Variants in SRC observed in about 807,000 individuals in gnomAD.
SRC encodes the protein proto-oncogene tyrosine-protein kinase Src.
In SRC, 13 loss-of-function variants were observed where a neutral mutation model predicts 62.9. The ratio of observed to expected loss-of-function variants is 0.21; its 90% CI spans 0.13 to 0.33. SRC has a LOEUF of 0.33. SRC is among the 10% of genes least tolerant of loss of function. The pLI is 1.00. For synonymous variants in SRC, 302 were observed against 317.5 expected (o/e 0.95, Z 0.52); for missense variants, 457 against 737.3 (o/e 0.62, Z 4.40).
intron 2 of SRC, among the ~76,000 whole-genome samples, chr20:37,373,322 A>G: frequency 6.6e-6 from 1 of 151,258 alleles, no homozygotes; most frequent in Non-Finnish European, 1.5e-5. Context: ...ACATATGTAC[A>G]CACATACACA....
chr20:37,380,797 AC>A, intron 2 of SRC, among the ~76,000 whole-genome samples: 1 of 152,076 alleles, frequency 6.6e-6, no homozygotes. Context: ...AAGGAAACGC[AC>A]CACCACACCC....
intron 5 of SRC, among the ~76,000 whole-genome samples, chr20:37,390,986 C>G (rs2070538590): frequency 6.6e-6 from 1 of 152,172 alleles, no homozygotes; most frequent in African/African-American, 2.4e-5. Context: ...ACCATGAAAC[C>G]CCAGGCTCAC....
intron 1 of SRC, among the ~76,000 whole-genome samples, chr20:37,358,144 C>T (rs2052398654): frequency 6.6e-6 from 1 of 152,200 alleles, no homozygotes; most frequent in African/African-American, 2.4e-5. Flanking sequence ...CAGTAACGGT[C>T]CCTACCCCAC....
rs1002800222 is a variant in SRC, at chr20:37,403,148, C to A, written c.1403-23C>A. ...CACTTTCCTCACCGGAGCCGGGCTCCCCATGCCTCGCTCTGCCCACAGGGA... is the reference window on the plus strand; with the variant it reads ...CACTTTCCTCACCGGAGCCGGGCTCACCATGCCTCGCTCTGCCCACAGGGA... On this transcript the variant is annotated intron_variant, in intron 13 of 13. Transcript: ENST00000373578. The surrounding 1 kb of genome is among the most constrained non-coding windows in gnomAD (Gnocchi z 7.1). 2 of 1,518,428 alleles carry A rather than the reference C, an allele frequency of 1.3e-6. No individual in the cohort carries two copies. The highest frequency in any genetic ancestry group is 1.8e-6 in the Non-Finnish European group (2 of 1,134,198). 94.1% of individuals were successfully genotyped at this position (1,518,428 alleles called of 1,614,324 possible).
upstream of SRC, chr20:37,346,134 G>T: frequency 6.6e-6 from 1 of 152,536 alleles, no homozygotes; most frequent in South Asian, 1.8e-4. Context: ...TCCCGGCCCG[G>T]AATCCATTCC....
rs2070107795 is a variant in SRC, at chr20:37,368,537, T to G, written c.-173+3260T>G. Among the ~76,000 whole-genome samples the G allele has an allele frequency of 1.4e-4, 17 of 125,296 alleles. 1 individual carries two copies. The highest frequency in any genetic ancestry group is 2.0e-4 in the African/African-American group (6 of 29,582). The allele number at this position is 125,296 out of a possible 152,430, so 82.2% of individuals were successfully genotyped here. On this transcript the variant is annotated intron_variant, in intron 2 of 13. Transcript: ENST00000373578. ...TATTTTCTTTTTTTTTTTTTTTTTT[T>G]TTTTTTGTTTTTTTTTTTTTTGTTT...
intron 10 of SRC, among the ~76,000 whole-genome samples, chr20:37,401,363 C>T (rs762368110): frequency 3.4e-4 from 52 of 152,220 alleles, no homozygotes; most frequent in Middle Eastern, 6.8e-3. Flanking sequence ...AGCGGGACTC[C>T]GCTGTCTGCA....
chr20:37,387,245 T>G (rs1841472298), intron 5 of SRC, among the ~76,000 whole-genome samples: 1 of 152,178 alleles, frequency 6.6e-6, no homozygotes, highest in Admixed American at 6.5e-5. Context: ...CTTTCTCCAG[T>G]GTCTGCCTGG....
At chr20:37,377,686 C>G (rs75783620) in intron 2 of SRC, among the ~76,000 whole-genome samples, 3,343 of 152,242 alleles carry the variant, frequency 0.022, 113 homozygotes, top group African/African-American at 0.076. Context: ...CATCCACAGG[C>G]TTATGATGGG....
At chr20:37,401,291 C>G (rs561556736) in intron 10 of SRC, among the ~76,000 whole-genome samples, 1 of 152,270 alleles carries the variant, frequency 6.6e-6, no homozygotes, top group South Asian at 2.1e-4. Context: ...GCAGGAGCCA[C>G]TGCTCCCGGC....
In SRC at chr20:37,402,431, G is replaced by A. The variant is rs377477692; in HGVS notation, c.1117-4G>A. 6 of 1,611,162 alleles carry A rather than the reference G, an allele frequency of 3.7e-6. No homozygotes were observed. The African/African-American group carries it at 8.0e-5, about 22-fold the overall frequency. On this transcript the variant is annotated splice_region_variant and splice_polypyrimidine_tract_variant and intron_variant, in intron 11 of 13. Transcript: ENST00000373578. The surrounding 1 kb of genome is among the most constrained non-coding windows in gnomAD (Gnocchi z 6.2). ...GAGCCAGGCTCCCACGGTTCCGCCT[G>A]CAGATCGCCTCAGGCATGGCGTACG...
chr20:37,355,800 C>T (rs537810652), intron 1 of SRC, among the ~76,000 whole-genome samples: 1 of 152,186 alleles, frequency 6.6e-6, no homozygotes, highest in Admixed American at 6.5e-5. Flanking sequence ...GGACCGTGTG[C>T]AAAAATGTCT....
chr20:37,373,223 CGT>C (rs2070207427), intron 2 of SRC, among the ~76,000 whole-genome samples: 1 of 151,170 alleles, frequency 6.6e-6, no homozygotes. Context: ...CATGTACATA[CGT>C]ACACACATGC....
In SRC at chr20:37,397,704, G is replaced by A. The variant is rs34881773; in HGVS notation, c.709G>A (p.Ala237Thr). 3.6e-5 allele frequency: 57 copies of A among 1,580,056 alleles called. No homozygotes were observed. Among genetic ancestry groups the A allele is most frequent in the Admixed American group, 5.2e-5 (3 of 57,500 alleles). Residue 237 changes from alanine to threonine, a missense_variant, in exon 9 of 14, where the codon GCC becomes ACC. By Grantham distance (58) the Ala-to-Thr change is moderately conservative. Around this residue, in one of 4 missense-constraint regions of SRC, gnomAD observed 141 missense variants for 198.4 expected, o/e 0.71. Coordinates refer to ENST00000373578, the MANE Select transcript of SRC (RefSeq NM_198291.3). This position sits in a 1 kb window ranked among gnomAD's most constrained non-coding sequence, Gnocchi z 4.1. Reference sequence around the variant, plus strand: ...TCCTCCTGCCTCCTCCTCAGAACACGCCGATGGCCTGTGCCACCGCCTCAC... The same window carrying A: ...TCCTCCTGCCTCCTCCTCAGAACACACCGATGGCCTGTGCCACCGCCTCAC... ...QQLVAYYSKH[A>T]DGLCHRLTTV...
At chr20:37,354,646 G>A (rs1396243477) in intron 1 of SRC, among the ~76,000 whole-genome samples, 1 of 152,212 alleles carries the variant, frequency 6.6e-6, no homozygotes, top group Non-Finnish European at 1.5e-5. Flanking sequence ...GGAGGCCAGG[G>A]CTGTGCCTTG....
intron 1 of SRC, 109 bp from the exon 2 acceptor site, chr20:37,365,095 T>C (rs2070040622): frequency 6.6e-6 from 1 of 152,160 alleles, no homozygotes; most frequent in Non-Finnish European, 1.5e-5. Context: ...GACTGTGCAC[T>C]TGCTAGGAGC....
At chr20:37,394,772 G>A (rs1049330263) in intron 7 of SRC, among the ~76,000 whole-genome samples, 1 of 152,168 alleles carries the variant, frequency 6.6e-6, no homozygotes, top group Non-Finnish European at 1.5e-5. Context: ...GCAGGCGCCC[G>A]TCACCATGGC....
chr20:37,371,010 C>T (rs1348554965), intron 2 of SRC, among the ~76,000 whole-genome samples: 15 of 134,776 alleles, frequency 1.1e-4, no homozygotes, highest in African/African-American at 2.9e-4. Context: ...TTTTTTGAGA[C>T]GGAGTTTCAC....
chr20:37,353,492 C>T (rs928104414), intron 1 of SRC, among the ~76,000 whole-genome samples: 3 of 152,128 alleles, frequency 2.0e-5, no homozygotes, highest in Non-Finnish European at 4.4e-5. Context: ...GGACCAGACA[C>T]GCCCGGGACC....
Sources: allele counts gnomAD v4.1 joint callset (sites outside exome capture counted in the v4.1 genomes callset), GRCh38; gene constraint gnomAD v4.1.1; regional missense constraint gnomAD v4.1.1; non-coding constraint Gnocchi (gnomAD v3.1); transcripts MANE v1.5; gene names NCBI Gene and HGNC (gene_info 2026-07-23, HGNC 2026-07-21).